Variants in CCDC88C observed in about 807,000 individuals in gnomAD.
The protein encoded by CCDC88C is protein Daple.
A neutral mutation model predicts 198.8 loss-of-function variants in CCDC88C; 131 were observed. The ratio of observed to expected loss-of-function variants is 0.66; its 90% CI spans 0.57 to 0.76. CCDC88C has a LOEUF of 0.76. Among genes scored for constraint, CCDC88C ranks in the 30% least tolerant of loss-of-function variants. The probability of loss-of-function intolerance (pLI) is 0.00; values close to 1 mark genes in which losing one functional copy is unlikely to be tolerated. For missense variants in CCDC88C, 2,553 were observed against 2,631.6 expected (o/e 0.97, Z 0.65); for synonymous variants, 1,166 against 1,114.7 (o/e 1.05, Z -0.92).
At chr14:91,355,833 G>A (rs1894020063) in intron 4 of CCDC88C, among the ~76,000 whole-genome samples, 1 of 152,064 alleles carries the variant, frequency 6.6e-6, no homozygotes, top group Admixed American at 6.5e-5. Flanking sequence ...TAGACTCTCA[G>A]GGTCTTTTAG....
intron 17 of CCDC88C, 37 bp downstream of exon 17, chr14:91,308,314 G>A: frequency 6.2e-7 from 1 of 1,610,006 alleles, no homozygotes; most frequent in Non-Finnish European, 8.5e-7. Flanking sequence ...GGCTGAGAAT[G>A]GGCAGCTGGG....
At chr14:91,364,193 G>A (rs1894429712) in intron 3 of CCDC88C, among the ~76,000 whole-genome samples, 1 of 152,238 alleles carries the variant, frequency 6.6e-6, no homozygotes, top group South Asian at 2.1e-4. Context: ...GATGGACAGG[G>A]AAGAAGAGGG....
chr14:91,330,196 T>G (rs1036243167), intron 10 of CCDC88C, among the ~76,000 whole-genome samples: 13 of 152,334 alleles, frequency 8.5e-5, no homozygotes, highest in African/African-American at 3.1e-4. Context: ...GAGCACTGCC[T>G]GCAGTCAGGA....
chr14:91,330,676 G>C (rs951892507), intron 10 of CCDC88C, among the ~76,000 whole-genome samples: 5 of 152,344 alleles, frequency 3.3e-5, no homozygotes, highest in Admixed American at 2.0e-4. Flanking sequence ...GCTCTGGCTT[G>C]AGCACCCGAG....
At chr14:91,344,538 G>A (rs955658326) in intron 4 of CCDC88C, among the ~76,000 whole-genome samples, 12 of 149,982 alleles carry the variant, frequency 8.0e-5, no homozygotes, top group Non-Finnish European at 1.5e-4. Context: ...TTGAGATGGA[G>A]TCTCGCTCTG....
At chr14:91,295,772 A>G (rs1313933840) in intron 22 of CCDC88C, among the ~76,000 whole-genome samples, 1 of 152,206 alleles carries the variant, frequency 6.6e-6, no homozygotes, top group Admixed American at 6.5e-5. Context: ...CCATGTCCCC[A>G]GAATTCATAC....
intron 24 of CCDC88C, 63 bp downstream of exon 24, chr14:91,290,932 C>T (rs1890634425): frequency 1.0e-6 from 1 of 1,001,624 alleles, no homozygotes; most frequent in Non-Finnish European, 1.6e-6. Context: ...TGCTTTCACC[C>T]TGTGCACAGA....
chr14:91,278,030 G>A lies in CCDC88C; in HGVS notation c.4950C>T (p.Gly1650=), dbSNP rs1337704455. Residue 1650 remains glycine (G), a synonymous_variant, in exon 29 of 30, where the codon GGC becomes GGT. Coordinates refer to ENST00000389857, the MANE Select transcript of CCDC88C (RefSeq NM_001080414.4). ...GCACTCCGACGTAGGGAGGGGCTGTGCCCCTCTTCTGGGCACCCTCCTGTG... is the reference window on the plus strand; with the variant it reads ...GCACTCCGACGTAGGGAGGGGCTGTACCCCTCTTCTGGGCACCCTCCTGTG... ...PLPQEGAQKR[G]TAPPYVGVRP... is the part of the protein sequence containing the mutation. The A allele has an allele frequency of 1.2e-6, 2 of 1,604,212 alleles. No homozygotes were observed. The highest frequency in any genetic ancestry group is 8.5e-7 in the Non-Finnish European group (1 of 1,175,478).
chr14:91,273,939 C>T lies in CCDC88C; in HGVS notation c.5059-286G>A, dbSNP rs1426500967. 6.6e-6 allele frequency among the ~76,000 whole-genome samples: 1 copy of T among 152,134 alleles called. No homozygotes were observed. The highest frequency in any genetic ancestry group is 1.5e-5 in the Non-Finnish European group (1 of 68,026). On this transcript the variant is annotated intron_variant, in intron 29 of 29. Coordinates refer to ENST00000389857, the MANE Select transcript of CCDC88C (RefSeq NM_001080414.4). The surrounding 1 kb of genome is among the most constrained non-coding windows in gnomAD (Gnocchi z 5.6). The stretch of plus-strand genomic sequence containing the variant: ...ACAGACCCAGAGAGGGAAATGACTT[C>T]CTACAAAGTGAGTAAGTTTCCCAGA...
Position 91,273,052 on chromosome 14 carries a change from G to A in CCDC88C, c.5660C>T (p.Ser1887Phe). The A allele has an allele frequency of 1.3e-6, 2 of 1,556,494 alleles. No individual in the cohort carries two copies. The highest frequency in any genetic ancestry group is 2.4e-5 in the East Asian group (1 of 42,040). ...RSRPLDTRRFSLAPPKEERLA... is the reference protein window; with the variant it reads ...RSRPLDTRRFFLAPPKEERLA... ...CCTCTCCTCCTTTGGGGGAGCCAGG[G>A]AGAAGCGCCTCGTGTCCAGCGGCCG... Residue 1887 changes from serine to phenylalanine, a missense_variant, in exon 30 of 30, where the codon TCC (serine) becomes TTC (phenylalanine). Physicochemically the swap from Ser to Phe is radical, Grantham distance 155. Around this residue, in one of 2 missense-constraint regions of CCDC88C, gnomAD observed 1,293 missense variants for 1,219.6 expected, o/e 1.06. Transcript: ENST00000389857. This position sits in a 1 kb window ranked among gnomAD's most constrained non-coding sequence, Gnocchi z 5.6.
In CCDC88C at chr14:91,313,746, C is replaced by T; in HGVS notation, c.2070G>A (p.Leu690=). 1.2e-6 allele frequency: 2 copies of T among 1,608,832 alleles called. No individual in the cohort carries two copies. Among genetic ancestry groups the T allele is most frequent in the Middle Eastern group, 1.6e-4 (1 of 6,062 alleles). ...TGTCACGCTCCAGGCCCTCAAGCTG[C>T]AGGGACACGTTCTGCAAGGTGTCCA... The part of the protein sequence containing the change: ...KSLDTLQNVS[L]QLEGLERDNK... The change falls in exon 15 of 30, where the codon CTG becomes CTA. Residue 690 remains leucine (L), a synonymous_variant. Transcript: ENST00000389857. This position sits in a 1 kb window ranked among gnomAD's most constrained non-coding sequence, Gnocchi z 5.2.
rs1891444396 is a variant in CCDC88C at position 91,303,854 on chromosome 14, G to GT, written c.3481dup (p.Thr1161AsnfsTer55). 6.2e-7 allele frequency: 1 copy of GT among 1,613,156 alleles called. No individual in the cohort carries two copies. The highest frequency in any genetic ancestry group is 8.5e-7 in the Non-Finnish European group (1 of 1,179,906). On this transcript the variant is annotated frameshift_variant, in exon 20 of 30. Transcript: ENST00000389857. LOFTEE classifies it high-confidence loss of function. Reference sequence around the variant, plus strand: ...CTGCAGCAGGGCCTCGTAGGCCGCTGTAAGTTGCTCCTGCTGCCTCTGCAG... The same window carrying GT: ...CTGCAGCAGGGCCTCGTAGGCCGCTGTTAAGTTGCTCCTGCTGCCTCTGCAG...
At chr14:91,340,611 C>A (rs1453571195) in intron 6 of CCDC88C, among the ~76,000 whole-genome samples, 1 of 152,072 alleles carries the variant, frequency 6.6e-6, no homozygotes, top group African/African-American at 2.4e-5. Flanking sequence ...AGCCTCTCGA[C>A]GCACACCCCC....
intron 3 of CCDC88C, among the ~76,000 whole-genome samples, chr14:91,377,770 C>T (rs1596132559): frequency 6.6e-6 from 1 of 152,210 alleles, no homozygotes; most frequent in Non-Finnish European, 1.5e-5. Context: ...TACGAGCCCC[C>T]CAGTGCTGGG....
chr14:91,413,868 A>G (rs114769160), intron 2 of CCDC88C, among the ~76,000 whole-genome samples: 1,706 of 152,332 alleles, frequency 0.011, 30 homozygotes, highest in African/African-American at 0.039. Context: ...CGATTTCTTC[A>G]GGTCCTACAA....
At chr14:91,376,095 CA>C (rs1439685775) in intron 3 of CCDC88C, among the ~76,000 whole-genome samples, 2 of 152,172 alleles carry the variant, frequency 1.3e-5, no homozygotes, top group Admixed American at 1.3e-4. Flanking sequence ...CTGGCAGGCG[CA>C]GAGGACCCTT....
In CCDC88C at chr14:91,297,331, G is replaced by A. The variant is rs1228587501; in HGVS notation, c.3940C>T (p.Leu1314=). 1 of 1,613,700 alleles carries A rather than the reference G, an allele frequency of 6.2e-7. No homozygotes were observed. Among genetic ancestry groups the A allele is most frequent in the Non-Finnish European group, 8.5e-7 (1 of 1,179,782 alleles). ...TCACAGTGGTTGTCCAGCTTGGTCA[G>A]CGAGATGTCCATGGTCTGGTGCTGC... The part of the protein sequence containing the change: ...KEQHQTMDIS[L]TKLDNHCELL... The change falls in exon 22 of 30, where the codon CTG becomes TTG. Residue 1314 remains leucine (L), a synonymous_variant. Transcript: ENST00000389857.
At chr14:91,293,483 CACCTTCCCATCCTCACCTGCCACGGCCT>C (rs1890817547) in intron 23 of CCDC88C, among the ~76,000 whole-genome samples, 5 of 143,502 alleles carry the variant, frequency 3.5e-5, no homozygotes, top group South Asian at 4.4e-4. Flanking sequence ...TGCCACAGCT[CACCTTCCCATCCTCACCTGCCACGGCCT>C]ACCTTCCTGT....
At chr14:91,304,085 G>C in intron 19 of CCDC88C, 107 bp from the exon 20 acceptor site, 2 of 1,334,620 alleles carry the variant, frequency 1.5e-6, no homozygotes, top group South Asian at 1.3e-5. Flanking sequence ...GGGACCCTCA[G>C]GGCAGAAGAC....
Sources: allele counts gnomAD v4.1 joint callset (sites outside exome capture counted in the v4.1 genomes callset), GRCh38; gene constraint gnomAD v4.1.1; regional missense constraint gnomAD v4.1.1; non-coding constraint Gnocchi (gnomAD v3.1); transcripts MANE v1.5; gene names NCBI Gene and HGNC (gene_info 2026-07-23, HGNC 2026-07-21).